RNF19A: variants seen among roughly 807,000 people sequenced by gnomAD.
RNF19A encodes the protein E3 ubiquitin-protein ligase RNF19A.
In RNF19A, 32 loss-of-function variants were observed where a neutral mutation model predicts 75.7. That is an observed-to-expected ratio of 0.42 (90% CI 0.32 to 0.57). The LOEUF is 0.57. RNF19A is among the 20% of genes least tolerant of loss of function. The pLI is 0.10. For synonymous variants in RNF19A, 335 were observed against 345.2 expected, an observed-to-expected ratio of 0.97 and a Z score of 0.33; for missense variants, 782 against 1,036.3, an observed-to-expected ratio of 0.75 and a Z score of 3.37.
chr8:100,310,109 T>G, upstream of RNF19A: 2 of 982,414 alleles, frequency 2.0e-6, no homozygotes, highest in Non-Finnish European at 2.4e-6. Context: ...CACCTCCCCC[T>G]CCCGCAGCCC....
In RNF19A at chr8:100,260,004, G is replaced by C. The variant is rs377216732; in HGVS notation, c.1683-7C>G. The C allele has an allele frequency of 1.4e-5, 22 of 1,611,878 alleles. No homozygotes were observed. Among genetic ancestry groups the C allele is most frequent in the Admixed American group, 3.3e-5 (2 of 59,746 alleles). On this transcript the variant is annotated splice_polypyrimidine_tract_variant and splice_region_variant and intron_variant, in intron 8 of 9. Coordinates refer to ENST00000341084, the MANE Select transcript of RNF19A (RefSeq NM_183419.4). This position sits in a 1 kb window ranked among gnomAD's most constrained non-coding sequence, Gnocchi z 4.1. ...ATCTGCTTGTACTTCCAACCTTAAA[G>C]GGGGGTATGAAATCACCAAAATTAT... is the stretch of plus-strand genomic sequence containing the variant.
Position 100,288,228 on chromosome 8 carries a change from T to G in RNF19A, c.-54A>C. The G allele has an allele frequency of 6.7e-7, 1 of 1,488,320 alleles. No individual in the cohort carries two copies. Among genetic ancestry groups the G allele is most frequent in the Middle Eastern group, 2.0e-4 (1 of 5,116 alleles). 92.2% of individuals were successfully genotyped at this position (1,488,320 alleles called of 1,614,324 possible). On this transcript the variant is annotated 5_prime_UTR_variant, in exon 2 of 10. Coordinates refer to ENST00000341084, the MANE Select transcript of RNF19A (RefSeq NM_183419.4). ...CTACTTGGTTCCTTCAGAGAATTCTTGAAAAGTTCGATTTACAGAAGACTG... is the reference window on the plus strand; with the variant it reads ...CTACTTGGTTCCTTCAGAGAATTCTGGAAAAGTTCGATTTACAGAAGACTG...
intron 2 of RNF19A, among the ~76,000 whole-genome samples, chr8:100,276,883 AG>A (rs1262629924): frequency 6.6e-6 from 1 of 152,174 alleles, no homozygotes; most frequent in Non-Finnish European, 1.5e-5. Context: ...GAAGTAAATC[AG>A]GAAATTTGAG....
chr8:100,307,030 C>G (rs1306663039), intron 1 of RNF19A, among the ~76,000 whole-genome samples: 1 of 152,168 alleles, frequency 6.6e-6, no homozygotes, highest in Non-Finnish European at 1.5e-5. Context: ...GCTAGTTTGC[C>G]AAATACAATG....
chr8:100,294,613 T>G (rs1485045339), intron 1 of RNF19A, among the ~76,000 whole-genome samples: 1 of 15,958 alleles, frequency 6.3e-5, no homozygotes. Flanking sequence ...AGTAAGACTC[T>G]TGATTTTCTG....
chr8:100,290,546 GT>G (rs1821245918), intron 1 of RNF19A, among the ~76,000 whole-genome samples: 1 of 152,102 alleles, frequency 6.6e-6, no homozygotes, highest in Non-Finnish European at 1.5e-5. Context: ...ATTAACATGT[GT>G]TCTCTGGAAA....
intron 1 of RNF19A, among the ~76,000 whole-genome samples, chr8:100,318,925 A>G (rs1182660423): frequency 2.0e-5 from 3 of 152,224 alleles, no homozygotes; most frequent in Non-Finnish European, 4.4e-5. Flanking sequence ...ACAAGAAGGA[A>G]TTATGGCCAG....
chr8:100,314,305 T>C (rs1822342989), upstream of RNF19A, among the ~76,000 whole-genome samples: 1 of 152,190 alleles, frequency 6.6e-6, no homozygotes, highest in Non-Finnish European at 1.5e-5. The surrounding 1 kb of genome is among the most constrained non-coding windows in gnomAD (Gnocchi z 4.1). Context: ...ACAGGCACTA[T>C]TCTGATTGCT....
intron 1 of RNF19A, among the ~76,000 whole-genome samples, chr8:100,315,516 C>A (rs1822360034): frequency 6.6e-6 from 1 of 152,186 alleles, no homozygotes; most frequent in Non-Finnish European, 1.5e-5. Flanking sequence ...TCTCTTTCAG[C>A]ACAATTGATC....
chr8:100,324,073 C>G lies in RNF19A; in HGVS notation c.-242-10701G>C, dbSNP rs1822497374. Among the ~76,000 whole-genome samples, 1 of 152,210 alleles carries G rather than the reference C, an allele frequency of 6.6e-6. No individual in the cohort carries two copies. Among genetic ancestry groups the G allele is most frequent in the African/African-American group, 2.4e-5 (1 of 41,440 alleles). On this transcript the variant is annotated intron_variant, in intron 1 of 3. Transcript: ENST00000519527. The surrounding 1 kb of genome is among the most constrained non-coding windows in gnomAD (Gnocchi z 4.2). ...ACATGAGGGAAAAACTGAACAATTA[C>G]TACAGAGCTGTGATTTTGAGATGAC...
chr8:100,290,464 T>C (rs567316743), intron 1 of RNF19A, among the ~76,000 whole-genome samples: 1 of 152,340 alleles, frequency 6.6e-6, no homozygotes, highest in African/African-American at 2.4e-5. Flanking sequence ...TTGTGATACA[T>C]ACACGACCCA....
chr8:100,262,264 T>C lies in RNF19A; in HGVS notation c.1469-509A>G, dbSNP rs183662065. 1.1e-3 allele frequency among the ~76,000 whole-genome samples: 172 copies of C among 152,244 alleles called. 1 individual carries two copies. The highest frequency in any genetic ancestry group is 1.3e-3 in the Non-Finnish European group (86 of 68,022). On this transcript the variant is annotated intron_variant, in intron 7 of 9. Transcript: ENST00000341084. ...ATATACCCAATCACACGGTGACAAA[T>C]GCTATGAGGAAAAATACAAGAGAGT...
In RNF19A at chr8:100,258,738, C is replaced by T; in HGVS notation, c.2335G>A (p.Val779Met). The T allele has an allele frequency of 1.4e-5, 22 of 1,614,174 alleles. No individual in the cohort carries two copies. The highest frequency in any genetic ancestry group is 1.8e-5 in the Non-Finnish European group (21 of 1,180,036). ...ENSPHQCSIS[V>M]VTQTASCSEV... The stretch of plus-strand genomic sequence containing the variant: ...GAACAGGAAGCAGTTTGGGTAACCA[C>T]AGAAATGCTACACTGATGTGGGGAA... The change falls in exon 10 of 10, where the codon GTG becomes ATG. Residue 779 changes from valine (V) to methionine (M), a missense_variant. This residue lies in a region of RNF19A where 442 missense variants were observed against 541.6 expected (regional missense o/e 0.82). Transcript: ENST00000341084. The surrounding 1 kb of genome is among the most constrained non-coding windows in gnomAD (Gnocchi z 4.3).
intron 1 of RNF19A, among the ~76,000 whole-genome samples, chr8:100,299,598 A>G (rs1173215372): frequency 6.6e-6 from 1 of 152,168 alleles, no homozygotes; most frequent in African/African-American, 2.4e-5. Flanking sequence ...TGTCTCTACT[A>G]GAAATACAAA....
chr8:100,262,868 AC>A (rs1819789361), intron 7 of RNF19A, among the ~76,000 whole-genome samples: 1 of 152,176 alleles, frequency 6.6e-6, no homozygotes, highest in Non-Finnish European at 1.5e-5. Context: ...GAATTTGCTG[AC>A]AGATCAATCA....
At chr8:100,319,509 G>GT (rs146085465) in intron 1 of RNF19A, among the ~76,000 whole-genome samples, 19,462 of 146,506 alleles carry the variant, frequency 0.13, 3,967 homozygotes, top group African/African-American at 0.44. Context: ...CTATCCTGAA[G>GT]TTTTACCTAT....
At position 100,331,532 on chromosome 8, in the gene RNF19A, G is replaced by A. The variant is rs1472297222; in HGVS notation, c.-243+4576C>T. Among the ~76,000 whole-genome samples the A allele has an allele frequency of 6.6e-6, 1 of 152,136 alleles. No homozygotes were observed. The highest frequency in any genetic ancestry group is 2.1e-4 in the South Asian group (1 of 4,826). ...TGCACCAGCAGTCCCAGCTACTCGG[G>A]AGGCTGAGGCAGGAGGATTGCTTGA... On this transcript the variant is annotated intron_variant, in intron 1 of 3. Transcript: ENST00000519527. This position sits in a 1 kb window ranked among gnomAD's most constrained non-coding sequence, Gnocchi z 5.2.
chr8:100,279,302 G>T (rs1361866998), intron 2 of RNF19A, among the ~76,000 whole-genome samples: 1 of 152,128 alleles, frequency 6.6e-6, no homozygotes, highest in East Asian at 1.9e-4. Flanking sequence ...CTAATAGCTG[G>T]TAGTGTAGGG....
intron 1 of RNF19A, among the ~76,000 whole-genome samples, chr8:100,304,255 C>A (rs1348742301): frequency 6.6e-6 from 1 of 152,122 alleles, no homozygotes; most frequent in Non-Finnish European, 1.5e-5. Flanking sequence ...AGTCACCATG[C>A]CTGACAAAAG....
Sources: allele counts gnomAD v4.1 joint callset (sites outside exome capture counted in the v4.1 genomes callset), GRCh38; gene constraint gnomAD v4.1.1; regional missense constraint gnomAD v4.1.1; non-coding constraint Gnocchi (gnomAD v3.1); transcripts MANE v1.5; gene names NCBI Gene and HGNC (gene_info 2026-07-23, HGNC 2026-07-21).